AMOTL1: variants seen among roughly 807,000 people sequenced by gnomAD.
The protein encoded by AMOTL1 is angiomotin like 1, also known as angiomotin-like protein 1.
In AMOTL1, 45 loss-of-function variants were observed where a neutral mutation model predicts 102.9. The ratio of observed to expected loss-of-function variants is 0.44; its 90% confidence interval spans 0.34 to 0.56. The LOEUF (loss-of-function observed/expected upper bound fraction) is 0.56. Among genes scored for constraint, AMOTL1 ranks in the 20% least tolerant of loss-of-function variants. The pLI is 0.01. For synonymous variants in AMOTL1, 481 were observed against 484.7 expected (o/e 0.99, Z 0.10); for missense variants, 1,114 against 1,225.6 (o/e 0.91, Z 1.36).
At chr11:94,793,770 A>G (rs1480406572) in intron 1 of AMOTL1, among the ~76,000 whole-genome samples, 1 of 152,266 alleles carries the variant, frequency 6.6e-6, no homozygotes, top group Non-Finnish European at 1.5e-5. Flanking sequence ...CTGTAGTTTT[A>G]GACTGATCTT....
chr11:94,831,837 C>T (rs1433630504), intron 6 of AMOTL1, among the ~76,000 whole-genome samples: 1 of 152,170 alleles, frequency 6.6e-6, no homozygotes, highest in African/African-American at 2.4e-5. Flanking sequence ...GCACTCACTA[C>T]TTCAGATAAG....
At chr11:94,869,102 G>C in intron 11 of AMOTL1, 96 bp from the exon 12 acceptor site, 4 of 1,333,336 alleles carry the variant, frequency 3.0e-6, no homozygotes, top group Non-Finnish European at 4.0e-6. Flanking sequence ...AATGAATGAA[G>C]CAATCATCAA....
Position 94,869,317 on chromosome 11 carries a change from A to C in AMOTL1, c.2608A>C (p.Thr870Pro). 1 of 1,612,770 alleles carries C rather than the reference A, an allele frequency of 6.2e-7. No homozygotes were observed. Among genetic ancestry groups the C allele is most frequent in the Non-Finnish European group, 8.5e-7 (1 of 1,179,458 alleles). ...GGCAGCCAGCAGTGCCCACGCCAAG[A>C]CAGGCAGCAAGGACAGCAGCACACA... ...TTAASSAHAK[T>P]GSKDSSTQTD... The change falls in exon 12 of 13, where the codon ACA (threonine) becomes CCA (proline). Residue 870 changes from threonine (T) to proline (P), a missense_variant. Physicochemically the swap from Thr to Pro is conservative, Grantham distance 38 (BLOSUM62 -1). Transcript: ENST00000433060.
At chr11:94,806,169 A>G (rs1273996521) in intron 3 of AMOTL1, among the ~76,000 whole-genome samples, 2 of 152,232 alleles carry the variant, frequency 1.3e-5, no homozygotes, top group Non-Finnish European at 2.9e-5. Context: ...CATTTGGCAA[A>G]TTAAAGATAA....
rs755215905 is a variant in AMOTL1 at position 94,768,501 on chromosome 11, A to G, written c.-11A>G. ...CCCCAGCCGAGGGACTGAACTAGCC[A>G]TGATCGCCTCATGTGGAGGGCAAAG... On this transcript the variant is annotated 5_prime_UTR_variant, in exon 1 of 13. It removes an upstream start codon present in the reference 5' UTR. Coordinates refer to ENST00000433060, the MANE Select transcript of AMOTL1 (RefSeq NM_130847.3). 5.0e-6 allele frequency: 8 copies of G among 1,597,498 alleles called. No homozygotes were observed. The highest frequency in any genetic ancestry group is 6.0e-6 in the Non-Finnish European group (7 of 1,172,704).
intron 3 of AMOTL1, among the ~76,000 whole-genome samples, chr11:94,804,924 C>G (rs1565359552): frequency 1.3e-5 from 2 of 152,176 alleles, no homozygotes; most frequent in South Asian, 4.1e-4. Context: ...ACTTATCTTC[C>G]TTAATCTTTA....
upstream of AMOTL1, among the ~76,000 whole-genome samples, chr11:94,764,212 C>A (rs185864099): frequency 1.2e-3 from 178 of 152,106 alleles, no homozygotes; most frequent in Admixed American, 8.6e-3. Context: ...TAGCATACTA[C>A]ACTCTGATGT....
chr11:94,827,404 G>A (rs1026605198), intron 4 of AMOTL1, among the ~76,000 whole-genome samples: 1 of 152,140 alleles, frequency 6.6e-6, no homozygotes, highest in Non-Finnish European at 1.5e-5. Flanking sequence ...GATGGGGACT[G>A]TTCCTGTGAC....
intron 6 of AMOTL1, among the ~76,000 whole-genome samples, chr11:94,832,793 ATAGT>A (rs1227302592): frequency 1.3e-5 from 2 of 152,198 alleles, no homozygotes; most frequent in Non-Finnish European, 2.9e-5. Context: ...ATGCCTAGGT[ATAGT>A]TAGTGTCTTT....
chr11:94,856,363 A>G (rs548971478), intron 8 of AMOTL1, among the ~76,000 whole-genome samples: 23 of 152,306 alleles, frequency 1.5e-4, no homozygotes, highest in Admixed American at 1.5e-3. Flanking sequence ...AATCCACTGG[A>G]AACATCTTGA....
intron 2 of AMOTL1, chr11:94,729,138 G>A (rs1300374628): frequency 4.4e-5 from 44 of 1,005,556 alleles, no homozygotes; most frequent in Admixed American, 5.0e-5. Context: ...TACTCAGTAC[G>A]TGCCCACGCT....
At chr11:94,850,295 G>A in intron 7 of AMOTL1, 36 bp downstream of exon 7, 7 of 1,568,350 alleles carry the variant, frequency 4.5e-6, no homozygotes, top group Non-Finnish European at 6.0e-6. Flanking sequence ...TGGGGAAGAG[G>A]GCAAGCAGAG....
At chr11:94,732,348 TG>T (rs1345861862) in intron 2 of AMOTL1, among the ~76,000 whole-genome samples, 1 of 152,120 alleles carries the variant, frequency 6.6e-6, no homozygotes, top group African/African-American at 2.4e-5. Context: ...GGGCTGCAAT[TG>T]GGTAGGAGAG....
intron 1 of AMOTL1, among the ~76,000 whole-genome samples, chr11:94,783,996 C>G (rs749607295): frequency 6.0e-4 from 91 of 152,090 alleles, no homozygotes; most frequent in Non-Finnish European, 1.1e-3. Flanking sequence ...TGGCTATGAG[C>G]CCTGTGACCC....
intron 8 of AMOTL1, among the ~76,000 whole-genome samples, chr11:94,858,174 A>T (rs1675643235): frequency 6.6e-6 from 1 of 152,156 alleles, no homozygotes; most frequent in South Asian, 2.1e-4. Context: ...TCTAAAAATA[A>T]GGGAGCGTCT....
chr11:94,824,718 T>C (rs1480590085), intron 4 of AMOTL1, among the ~76,000 whole-genome samples: 1 of 152,202 alleles, frequency 6.6e-6, no homozygotes, highest in Non-Finnish European at 1.5e-5. Context: ...GGATGATAGC[T>C]GCCAGTTCTC....
At chr11:94,717,752 T>C (rs1273766341) in intron 1 of AMOTL1, among the ~76,000 whole-genome samples, 2 of 151,636 alleles carry the variant, frequency 1.3e-5, no homozygotes, top group African/African-American at 4.8e-5. Flanking sequence ...ATAAATGAAA[T>C]CAGAATACAA....
At chr11:94,714,884 C>T (rs1197615292) in intron 1 of AMOTL1, among the ~76,000 whole-genome samples, 2 of 151,958 alleles carry the variant, frequency 1.3e-5, no homozygotes, top group Admixed American at 1.3e-4. Context: ...CTGTCATTAT[C>T]TTAATTTTTT....
intron 1 of AMOTL1, among the ~76,000 whole-genome samples, chr11:94,786,906 G>C (rs1420697491): frequency 6.6e-6 from 1 of 152,088 alleles, no homozygotes; most frequent in African/African-American, 2.4e-5. Context: ...GAAACTCTTC[G>C]GTACTAGGAA....
Sources: allele counts gnomAD v4.1 joint callset (sites outside exome capture counted in the v4.1 genomes callset), GRCh38; gene constraint gnomAD v4.1.1; transcripts MANE v1.5; gene names NCBI Gene and HGNC (gene_info 2026-07-23, HGNC 2026-07-21).